Variants in MYO6 observed in about 807,000 individuals in gnomAD.
The protein encoded by MYO6 is myosin VI.
A neutral mutation model predicts 178.7 loss-of-function variants in MYO6; 74 were observed. The observed-to-expected ratio is 0.41, with a 90% CI of 0.34 to 0.50. The LOEUF (loss-of-function observed/expected upper bound fraction) is 0.50, where lower values mean the gene tolerates loss of function less well. Ranked by LOEUF, MYO6 falls within the 20% of genes least tolerant of loss-of-function variation. MYO6 has a pLI of 0.09. For missense variants in MYO6, 1,330 were observed against 1,547.4 expected, an observed-to-expected ratio of 0.86 and a Z score of 2.36; for synonymous variants, 477 against 504.6, an observed-to-expected ratio of 0.95 and a Z score of 0.73.
intron 30 of MYO6, among the ~76,000 whole-genome samples, chr6:75,901,137 C>T (rs1010865816): frequency 6.2e-4 from 95 of 152,110 alleles, no homozygotes; most frequent in African/African-American, 2.2e-3. Flanking sequence ...GTTACTGTAG[C>T]CTTGTAGTAT....
intron 18 of MYO6, chr6:75,867,564 T>TATG (rs1776799519): frequency 6.4e-6 from 1 of 157,276 alleles, no homozygotes; most frequent in South Asian, 1.9e-4. Context: ...ATAAAGTGGC[T>TATG]GCCATGTTAA....
At chr6:75,770,096 C>T (rs1414928782) in intron 1 of MYO6, among the ~76,000 whole-genome samples, 1 of 152,122 alleles carries the variant, frequency 6.6e-6, no homozygotes, top group African/African-American at 2.4e-5. Context: ...TAGTAGATTT[C>T]TCTGTTAGGG....
intron 17 of MYO6, 135 bp from the exon 18 acceptor site, chr6:75,866,797 G>C (rs1160216594): frequency 9.3e-7 from 1 of 1,073,532 alleles, no homozygotes; most frequent in East Asian, 2.5e-5. Context: ...TGTCCACACT[G>C]ACTAGTGGTG....
chr6:75,830,586 A>G (rs894105484), intron 5 of MYO6, 41 bp downstream of exon 5: 1 of 1,571,468 alleles, frequency 6.4e-7, no homozygotes, highest in Non-Finnish European at 8.7e-7. Flanking sequence ...GTCTTTCTTT[A>G]TATTGTACAA....
intron 10 of MYO6, 79 bp from the exon 11 acceptor site, chr6:75,848,272 A>G: frequency 2.3e-6 from 3 of 1,289,230 alleles, no homozygotes; most frequent in African/African-American, 1.5e-5. Context: ...TATATAGTGC[A>G]TTAATTGACC....
At chr6:75,764,418 C>T (rs1778222308) in intron 1 of MYO6, among the ~76,000 whole-genome samples, 1 of 152,144 alleles carries the variant, frequency 6.6e-6, no homozygotes, top group Non-Finnish European at 1.5e-5. Flanking sequence ...TCTTACCCAT[C>T]TTTCACTACC....
chr6:75,908,218 T>G (rs1780488618), intron 31 of MYO6, among the ~76,000 whole-genome samples: 2 of 152,204 alleles, frequency 1.3e-5, no homozygotes, highest in Non-Finnish European at 2.9e-5. Context: ...TGCTTAATGT[T>G]TCTGATGCAA....
At chr6:75,757,334 C>T (rs1239560975) in intron 1 of MYO6, among the ~76,000 whole-genome samples, 1 of 147,284 alleles carries the variant, frequency 6.8e-6, no homozygotes, top group African/African-American at 2.5e-5. Context: ...AACATATATA[C>T]ATATACATAT....
chr6:75,841,415 G>A (rs1256492060), intron 9 of MYO6, 37 bp downstream of exon 9: 10 of 1,589,456 alleles, frequency 6.3e-6, no homozygotes, highest in Non-Finnish European at 7.7e-6. Flanking sequence ...ATAGCCAGGT[G>A]CAGTGGCTCA....
intron 32 of MYO6, among the ~76,000 whole-genome samples, chr6:75,911,164 G>A (rs1582008797): frequency 6.6e-6 from 1 of 151,862 alleles, no homozygotes; most frequent in East Asian, 1.9e-4. Flanking sequence ...CAATGATTTT[G>A]GAAAGTAGTT....
chr6:75,763,642 A>G (rs976631051), intron 1 of MYO6, among the ~76,000 whole-genome samples: 1 of 152,220 alleles, frequency 6.6e-6, no homozygotes, highest in African/African-American at 2.4e-5. Flanking sequence ...GCTTATCTAC[A>G]GTAAGAATAA....
chr6:75,892,593 G>C lies in MYO6; in HGVS notation c.3010G>C (p.Glu1004Gln). ...EEESQQQAVL[E>Q]QERRDRELAL... ...GGAATCCCAACAGCAAGCAGTTCTGGAGCAGGAGCGCAGGGACCGGGAGCT... is the reference window on the plus strand; with the variant it reads ...GGAATCCCAACAGCAAGCAGTTCTGCAGCAGGAGCGCAGGGACCGGGAGCT... Residue 1004 changes from glutamate to glutamine, a missense_variant, in exon 28 of 35, where the codon GAG becomes CAG. Physicochemically the swap from Glu to Gln is conservative, Grantham distance 29 (BLOSUM62 2). Transcript: ENST00000369977. 1 of 1,613,742 alleles carries C rather than the reference G, an allele frequency of 6.2e-7. No individual in the cohort carries two copies. The highest frequency in any genetic ancestry group is 1.8e-4 in the Middle Eastern group (1 of 5,708).
intron 1 of MYO6, among the ~76,000 whole-genome samples, chr6:75,806,924 G>C (rs528579405): frequency 3.9e-5 from 6 of 152,294 alleles, no homozygotes; most frequent in Admixed American, 3.9e-4. Flanking sequence ...CTGTGTGTGT[G>C]TGTGTCTTTA....
At chr6:75,869,608 C>G (rs1776973604) in intron 18 of MYO6, among the ~76,000 whole-genome samples, 1 of 151,896 alleles carries the variant, frequency 6.6e-6, no homozygotes, top group African/African-American at 2.4e-5. Flanking sequence ...TAATAAATAC[C>G]TCAGTATAAA....
At chr6:75,878,425 G>A (rs868824166) in intron 20 of MYO6, among the ~76,000 whole-genome samples, 1 of 152,216 alleles carries the variant, frequency 6.6e-6, no homozygotes, top group South Asian at 2.1e-4. Context: ...GAGCCAAAGG[G>A]ATATTTCCAA....
intron 1 of MYO6, among the ~76,000 whole-genome samples, chr6:75,790,509 G>A (rs1291050262): frequency 6.6e-6 from 1 of 151,840 alleles, no homozygotes. Flanking sequence ...TGCCTCCTGA[G>A]TAGCTAGGAT....
At position 75,892,079 on chromosome 6, in the gene MYO6, T is replaced by C. The variant is rs542549467; in HGVS notation, c.2947-451T>C. ...GGAATTAATAAATTAGGATTAAGAGTCTCTCTCCACCCCTAGTTTTTAAAA... is the reference window on the plus strand; with the variant it reads ...GGAATTAATAAATTAGGATTAAGAGCCTCTCTCCACCCCTAGTTTTTAAAA... On this transcript the variant is annotated intron_variant, in intron 27 of 34. Transcript: ENST00000369977. Among the ~76,000 whole-genome samples, 9 of 152,246 alleles carry C rather than the reference T, an allele frequency of 5.9e-5. No homozygotes were observed. The East Asian group carries it at 9.6e-4, about 16-fold the overall frequency.
At chr6:75,887,247 T>G (rs1778507193) in intron 25 of MYO6, among the ~76,000 whole-genome samples, 1 of 152,186 alleles carries the variant, frequency 6.6e-6, no homozygotes, top group Non-Finnish European at 1.5e-5. Flanking sequence ...CCTCGCAACT[T>G]AATACCTAGG....
chr6:75,828,714 C>A, intron 4 of MYO6, 101 bp downstream of exon 4: 1 of 822,898 alleles, frequency 1.2e-6, no homozygotes, highest in Non-Finnish European at 2.1e-6. Context: ...GAAAATCATG[C>A]TTGATCTGAG....
Sources: allele counts gnomAD v4.1 joint callset (sites outside exome capture counted in the v4.1 genomes callset), GRCh38; gene constraint gnomAD v4.1.1; transcripts MANE v1.5; gene names NCBI Gene and HGNC (gene_info 2026-07-23, HGNC 2026-07-21).